The following MAPRE3 variants were observed in gnomAD, a reference collection of about 807,000 sequenced individuals.
MAPRE3 encodes microtubule associated protein RP/EB family member 3.
MAPRE3 carries 2 observed loss-of-function variants against 30.5 expected under a neutral mutation model. The ratio of observed to expected loss-of-function variants is 0.07; its 90% CI spans 0.03 to 0.21. The LOEUF (loss-of-function observed/expected upper bound fraction) is 0.21, where lower values mean the gene tolerates loss of function less well. Ranked by LOEUF, MAPRE3 falls within the 10% of genes least tolerant of loss-of-function variation. MAPRE3 has a pLI of 1.00. For synonymous variants in MAPRE3, 110 were observed against 127.7 expected (o/e 0.86, Z 0.93); for missense variants, 204 against 351.8 (o/e 0.58, Z 3.36).
chr2:27,014,036 G>C (rs1424827019), intron 1 of MAPRE3: 1 of 152,222 alleles, frequency 6.6e-6, no homozygotes, highest in African/African-American at 2.4e-5. Flanking sequence ...AAGTCACACT[G>C]TCTGCCTTCT....
intron 1 of MAPRE3, among the ~76,000 whole-genome samples, chr2:26,997,788 A>G (rs1230345436): frequency 3.3e-5 from 5 of 152,256 alleles, no homozygotes; most frequent in Admixed American, 1.3e-4. Flanking sequence ...TGTAAACTCA[A>G]TATTCACTAA....
chr2:27,024,336 G>A (rs754969316), intron 4 of MAPRE3, 39 bp downstream of exon 4: 17 of 1,583,572 alleles, frequency 1.1e-5, no homozygotes, highest in Admixed American at 7.1e-5. Flanking sequence ...GTGGGGGGCC[G>A]GGCCGGCAGG....
chr2:27,018,951 C>T (rs748007921), intron 1 of MAPRE3, among the ~76,000 whole-genome samples: 4 of 146,554 alleles, frequency 2.7e-5, no homozygotes, highest in Non-Finnish European at 4.4e-5. Context: ...GATTCTGGCT[C>T]TGTCACCCAG....
At chr2:26,979,247 A>C (rs1048369384) in intron 1 of MAPRE3, among the ~76,000 whole-genome samples, 7 of 152,212 alleles carry the variant, frequency 4.6e-5, no homozygotes. Context: ...CTAAATTCCA[A>C]AAGGATGCTG....
At chr2:27,000,413 T>C (rs1478827113) in intron 1 of MAPRE3, among the ~76,000 whole-genome samples, 3 of 151,704 alleles carry the variant, frequency 2.0e-5, no homozygotes, top group African/African-American at 7.3e-5. Context: ...ATGTTCTCCA[T>C]TATGACCCGA....
chr2:27,009,915 C>T (rs1004714191), intron 1 of MAPRE3: 1 of 152,222 alleles, frequency 6.6e-6, no homozygotes, highest in Admixed American at 6.5e-5. Context: ...TTGGTTATTT[C>T]GTTCAGTTGT....
chr2:26,981,068 G>A (rs1009488865), intron 1 of MAPRE3, among the ~76,000 whole-genome samples: 3 of 152,108 alleles, frequency 2.0e-5, no homozygotes, highest in Non-Finnish European at 4.4e-5. Context: ...TGCTGAGGTG[G>A]GGGAGGGAGA....
At chr2:27,019,878 G>T (rs1667075866) in intron 1 of MAPRE3, among the ~76,000 whole-genome samples, 1 of 152,178 alleles carries the variant, frequency 6.6e-6, no homozygotes, top group Non-Finnish European at 1.5e-5. Flanking sequence ...GTCAGGGGTG[G>T]GAACGTAAGT....
At chr2:27,019,347 A>G (rs1262595615) in intron 1 of MAPRE3, among the ~76,000 whole-genome samples, 1 of 23,748 alleles carries the variant, frequency 4.2e-5, no homozygotes, top group Non-Finnish European at 8.3e-5. Flanking sequence ...TGGGGGAGGG[A>G]GGATGGCGGG....
intron 1 of MAPRE3, among the ~76,000 whole-genome samples, chr2:26,997,426 T>C (rs1302519879): frequency 1.3e-5 from 2 of 151,316 alleles, no homozygotes; most frequent in Admixed American, 6.6e-5. Flanking sequence ...CCAAGACAAT[T>C]CTTCTTCCCG....
rs372334077 is a variant in MAPRE3, at chr2:26,984,347, T to C, written c.-8+13545T>C. On this transcript the variant is annotated intron_variant, in intron 1 of 6. Coordinates refer to ENST00000233121, the MANE Select transcript of MAPRE3 (RefSeq NM_012326.4). The stretch of plus-strand genomic sequence containing the variant: ...CCATAACTCTGTCCCCCAAAGAGAA[T>C]CACTGCCACTATTTTGTTGAATATT... 2.4e-4 allele frequency among the ~76,000 whole-genome samples: 37 copies of C among 152,350 alleles called. 1 individual carries two copies. Among genetic ancestry groups the C allele is most frequent in the East Asian group, 1.9e-3 (10 of 5,190 alleles).
At chr2:26,983,746 C>G (rs1179784598) in intron 1 of MAPRE3, among the ~76,000 whole-genome samples, 1 of 152,196 alleles carries the variant, frequency 6.6e-6, no homozygotes, top group Non-Finnish European at 1.5e-5. Flanking sequence ...GCTCCCAGAG[C>G]TGTTAGCTAA....
At position 27,001,455 on chromosome 2, in the gene MAPRE3, A is replaced by G. The variant is rs538166812; in HGVS notation, c.-7-20757A>G. Among the ~76,000 whole-genome samples, 5 of 152,210 alleles carry G rather than the reference A, an allele frequency of 3.3e-5. No homozygotes were observed. In the South Asian group the frequency reaches 1.0e-3, roughly 31 times the overall value. ...CAGGAGTTAGAGACAGCAGTGAGCC[A>G]TGATTGTACCACTGAACTCCAGTGT... On this transcript the variant is annotated intron_variant, in intron 1 of 6. Transcript: ENST00000233121.
chr2:27,022,575 C>T (rs1667131973), intron 2 of MAPRE3: 1 of 482,440 alleles, frequency 2.1e-6, no homozygotes. Flanking sequence ...GCCTACTACT[C>T]CTAGGCTAAA....
At chr2:26,994,455 C>G (rs963539453) in intron 1 of MAPRE3, among the ~76,000 whole-genome samples, 4 of 152,296 alleles carry the variant, frequency 2.6e-5, no homozygotes, top group African/African-American at 9.6e-5. Flanking sequence ...ATCCTAGTGA[C>G]CAGAATACCA....
intron 1 of MAPRE3, among the ~76,000 whole-genome samples, chr2:26,978,446 C>T (rs1055280302): frequency 6.6e-6 from 1 of 152,174 alleles, no homozygotes; most frequent in Non-Finnish European, 1.5e-5. Context: ...CACCCCCACC[C>T]GCTTCCCTGA....
At chr2:26,981,204 G>A (rs1307105494) in intron 1 of MAPRE3, among the ~76,000 whole-genome samples, 1 of 152,096 alleles carries the variant, frequency 6.6e-6, no homozygotes, top group Admixed American at 6.6e-5. Context: ...TTCATAATGG[G>A]CTGAGTCTTT....
chr2:26,985,528 A>G lies in MAPRE3; in HGVS notation c.-8+14726A>G, dbSNP rs538440505. On this transcript the variant is annotated intron_variant, in intron 1 of 6. Coordinates refer to ENST00000233121, the MANE Select transcript of MAPRE3 (RefSeq NM_012326.4). This position sits in a 1 kb window ranked among gnomAD's most constrained non-coding sequence, Gnocchi z 4.2. ...CTGCCATGGCCACAGGGCAACCACC[A>G]TAACTCAGAGCAACCCCTGGAGAAT... Among the ~76,000 whole-genome samples the G allele has an allele frequency of 6.6e-6, 1 of 152,298 alleles. No individual in the cohort carries two copies. Among genetic ancestry groups the G allele is most frequent in the African/African-American group, 2.4e-5 (1 of 41,562 alleles).
At chr2:26,991,696 T>A (rs1361686319) in intron 1 of MAPRE3, among the ~76,000 whole-genome samples, 2 of 152,178 alleles carry the variant, frequency 1.3e-5, no homozygotes, top group Non-Finnish European at 2.9e-5. Context: ...CCCTTCAGAA[T>A]CCTGTAATCA....
Sources: allele counts gnomAD v4.1 joint callset (sites outside exome capture counted in the v4.1 genomes callset), GRCh38; gene constraint gnomAD v4.1.1; non-coding constraint Gnocchi (gnomAD v3.1); transcripts MANE v1.5; gene names NCBI Gene and HGNC (gene_info 2026-07-23, HGNC 2026-07-21).